SDK1: variants seen among roughly 807,000 people sequenced by gnomAD.
SDK1 encodes sidekick cell adhesion molecule 1, also known as protein sidekick-1.
Under a neutral mutation model 245.5 loss-of-function variants are expected in SDK1, and 157 were observed. The observed-to-expected ratio is 0.64, with a 90% CI of 0.56 to 0.73. The LOEUF (loss-of-function observed/expected upper bound fraction) is 0.73, where lower values mean the gene tolerates loss of function less well. SDK1 is among the 30% of genes least tolerant of loss of function. The probability of loss-of-function intolerance (pLI) is 0.00; values close to 1 mark genes in which losing one functional copy is unlikely to be tolerated. For missense variants in SDK1, 3,583 were observed against 3,002.3 expected, an observed-to-expected ratio of 1.19 and a Z score of -4.52; for synonymous variants, 1,647 against 1,278.5, an observed-to-expected ratio of 1.29 and a Z score of -6.15.
chr7:3,360,081 GT>G (rs1394684806), intron 1 of SDK1, among the ~76,000 whole-genome samples: 2 of 152,210 alleles, frequency 1.3e-5, no homozygotes, highest in Admixed American at 1.3e-4. Context: ...GAGAAGAGAA[GT>G]TTTTTTCCTC....
At chr7:3,868,559 G>A (rs1489329504) in intron 5 of SDK1, among the ~76,000 whole-genome samples, 2 of 152,182 alleles carry the variant, frequency 1.3e-5, no homozygotes, top group Admixed American at 6.5e-5. Flanking sequence ...ATCAGATAAT[G>A]TAATCTGCTC....
Position 4,208,188 on chromosome 7 carries a change from G to A in SDK1, c.5304G>A (p.Leu1768=), listed in dbSNP as rs767956862. The A allele has an allele frequency of 6.2e-7, 1 of 1,612,244 alleles. No homozygotes were observed. Among genetic ancestry groups the A allele is most frequent in the Non-Finnish European group, 8.5e-7 (1 of 1,179,658 alleles). ...LPEPVVRLKN[L]TSHTKYLVSI... ...AGCCCGTGGTGAGGCTGAAGAACCT[G>A]ACCAGCCATACCAAGTACCTGGTCA... The change falls in exon 37 of 45, where the codon CTG becomes CTA. Residue 1768 remains leucine, a synonymous_variant. Transcript: ENST00000404826.
chr7:4,247,619 G>A (rs4723528), intron 44 of SDK1, among the ~76,000 whole-genome samples: 27,928 of 152,226 alleles, frequency 0.18, 2,977 homozygotes, highest in Non-Finnish European at 0.24. Context: ...CTGCCGGGCC[G>A]CTGCTCTTTC....
chr7:3,907,784 T>C (rs1018018419), intron 5 of SDK1, among the ~76,000 whole-genome samples: 10 of 152,202 alleles, frequency 6.6e-5, no homozygotes, highest in Non-Finnish European at 1.2e-4. Flanking sequence ...ATATATGATA[T>C]TCAAAATTAA....
intron 17 of SDK1, among the ~76,000 whole-genome samples, chr7:4,032,875 A>T (rs1787930946): frequency 1.3e-5 from 2 of 152,242 alleles, no homozygotes; most frequent in Admixed American, 1.3e-4. Flanking sequence ...TCAACATCAC[A>T]GGGAAGTTAG....
intron 1 of SDK1, among the ~76,000 whole-genome samples, chr7:3,330,088 C>A (rs1780031946): frequency 6.6e-6 from 1 of 151,468 alleles, no homozygotes; most frequent in Non-Finnish European, 1.5e-5. Context: ...CCTTTTTTTT[C>A]CCATTTACCA....
intron 32 of SDK1, among the ~76,000 whole-genome samples, chr7:4,171,626 C>G (rs988669310): frequency 6.6e-6 from 1 of 152,192 alleles, no homozygotes; most frequent in Non-Finnish European, 1.5e-5. Flanking sequence ...TGGAGCAGAG[C>G]CGGCACCAAG....
intron 1 of SDK1, among the ~76,000 whole-genome samples, chr7:3,471,008 A>G (rs940304077): frequency 6.6e-6 from 1 of 152,134 alleles, no homozygotes; most frequent in South Asian, 2.1e-4. Context: ...AAACACCCCA[A>G]ATTAGTTTCT....
chr7:3,509,999 T>G (rs574564157), intron 1 of SDK1, among the ~76,000 whole-genome samples: 5 of 152,110 alleles, frequency 3.3e-5, no homozygotes, highest in African/African-American at 1.2e-4. Context: ...CCAAGGACTT[T>G]CCAGAGCTCC....
chr7:3,432,152 A>T (rs75734645), intron 1 of SDK1, among the ~76,000 whole-genome samples: 1 of 148,072 alleles, frequency 6.8e-6, no homozygotes, highest in Non-Finnish European at 1.5e-5. Flanking sequence ...ATATTTAAAA[A>T]ATATATATTT....
chr7:3,774,167 A>G (rs1476838166), intron 4 of SDK1, among the ~76,000 whole-genome samples: 1 of 150,524 alleles, frequency 6.6e-6, no homozygotes, highest in Non-Finnish European at 1.5e-5. Context: ...GTGAGCCAAG[A>G]TAGCGCCACT....
intron 1 of SDK1, among the ~76,000 whole-genome samples, chr7:3,404,936 A>T (rs935683067): frequency 2.0e-5 from 3 of 152,160 alleles, no homozygotes; most frequent in African/African-American, 7.2e-5. Context: ...AAAATATTCA[A>T]ATGAAACTTG....
chr7:3,309,477 A>G (rs1454050432), intron 1 of SDK1, among the ~76,000 whole-genome samples: 1 of 151,618 alleles, frequency 6.6e-6, no homozygotes, highest in Non-Finnish European at 1.5e-5. Flanking sequence ...AGCTATGTGA[A>G]ATCAAAACCA....
chr7:4,210,457 T>C (rs1280662361), intron 38 of SDK1, among the ~76,000 whole-genome samples: 1 of 152,198 alleles, frequency 6.6e-6, no homozygotes, highest in Non-Finnish European at 1.5e-5. Flanking sequence ...ATCCTGTCTC[T>C]GTCACACTCA....
chr7:3,967,526 T>C (rs1056479465), intron 10 of SDK1, 92 bp downstream of exon 10: 4 of 801,822 alleles, frequency 5.0e-6, no homozygotes, highest in Non-Finnish European at 8.7e-6. Context: ...TCTTGTTTAT[T>C]CACTTATGCA....
chr7:3,818,589 C>T (rs760216541), intron 4 of SDK1, among the ~76,000 whole-genome samples: 22 of 152,136 alleles, frequency 1.4e-4, no homozygotes, highest in African/African-American at 3.9e-4. Flanking sequence ...AAGATGTCAT[C>T]GCATGTGCTG....
chr7:4,250,399 A>C (rs553705291), intron 44 of SDK1, among the ~76,000 whole-genome samples: 1 of 152,060 alleles, frequency 6.6e-6, no homozygotes, highest in Non-Finnish European at 1.5e-5. Flanking sequence ...GCTGGAGTGC[A>C]GTGGCATGAT....
intron 2 of SDK1, among the ~76,000 whole-genome samples, chr7:3,631,028 G>A (rs115473855): frequency 0.013 from 1,919 of 152,176 alleles, 36 homozygotes; most frequent in African/African-American, 0.042. Context: ...TGCCACCCCA[G>A]CTCAAGTGAT....
intron 32 of SDK1, among the ~76,000 whole-genome samples, chr7:4,171,854 C>G (rs1049386142): frequency 6.6e-6 from 1 of 152,228 alleles, no homozygotes; most frequent in Non-Finnish European, 1.5e-5. Context: ...ATACGTGACC[C>G]TTGTAACTTT....
Sources: allele counts gnomAD v4.1 joint callset (sites outside exome capture counted in the v4.1 genomes callset), GRCh38; gene constraint gnomAD v4.1.1; transcripts MANE v1.5; gene names NCBI Gene and HGNC (gene_info 2026-07-23, HGNC 2026-07-21).